The following DDX60L variants were observed in gnomAD, a reference collection of about 807,000 sequenced individuals.
The protein encoded by DDX60L is DExD/H-box 60 like.
DDX60L carries 191 observed loss-of-function variants against 211.6 expected under a neutral mutation model. The observed-to-expected ratio is 0.90, with a 90% confidence interval of 0.80 to 1.02. The LOEUF is 1.02. Ranked by LOEUF, DDX60L falls within the 50% of genes least tolerant of loss-of-function variation. The pLI is 0.00. For synonymous variants in DDX60L, 706 were observed against 694.1 expected, an observed-to-expected ratio of 1.02 and a Z score of -0.27; for missense variants, 2,007 against 1,984.1, an observed-to-expected ratio of 1.01 and a Z score of -0.22.
intron 1 of DDX60L, among the ~76,000 whole-genome samples, chr4:168,479,996 A>T (rs1171065476): frequency 1.5e-5 from 2 of 131,396 alleles, no homozygotes; most frequent in African/African-American, 5.1e-5. Context: ...AAAAAAAAAA[A>T]AAAAAAGCTT....
intron 10 of DDX60L, among the ~76,000 whole-genome samples, chr4:168,437,163 C>T (rs573317604): frequency 2.0e-5 from 3 of 152,306 alleles, no homozygotes; most frequent in South Asian, 2.1e-4. Context: ...GAGACATGTT[C>T]GAGTCCTAAT....
At chr4:168,366,994 TATATGTTA>T (rs1740112983) in intron 36 of DDX60L, among the ~76,000 whole-genome samples, 1 of 151,942 alleles carries the variant, frequency 6.6e-6, no homozygotes, top group Non-Finnish European at 1.5e-5. Flanking sequence ...GCTGATATGT[TATATGTTA>T]ATATGTTAAT....
chr4:168,442,344 G>A (rs1385444182), intron 9 of DDX60L, among the ~76,000 whole-genome samples: 3 of 152,212 alleles, frequency 2.0e-5, no homozygotes, highest in African/African-American at 4.8e-5. Context: ...ACCTGGCTCA[G>A]AGGGTCCTAC....
At chr4:168,449,152 G>T (rs116423133) in intron 8 of DDX60L, among the ~76,000 whole-genome samples, 117 of 152,050 alleles carry the variant, frequency 7.7e-4, no homozygotes, top group African/African-American at 2.7e-3. Flanking sequence ...TCTCACTTTG[G>T]GGTCAACACC....
intron 10 of DDX60L, among the ~76,000 whole-genome samples, chr4:168,435,090 T>TCCCAACC (rs897454203): frequency 1.1e-4 from 17 of 152,162 alleles, no homozygotes; most frequent in Admixed American, 6.5e-5. Flanking sequence ...GTCACTGTGC[T>TCCCAACC]CCCAACCCCC....
intron 13 of DDX60L, among the ~76,000 whole-genome samples, 157 bp downstream of exon 13, chr4:168,430,321 A>G (rs1489682259): frequency 2.0e-5 from 3 of 152,204 alleles, no homozygotes; most frequent in African/African-American, 7.2e-5. Context: ...AAATTACCCA[A>G]TCGCAGGTAT....
At position 168,405,959 on chromosome 4, in the gene DDX60L, T is replaced by G. The variant is rs371111021; in HGVS notation, c.3204A>C (p.Gln1068His). 1,561 of 1,569,940 alleles carry G rather than the reference T, an allele frequency of 9.9e-4. 26 individuals are homozygous for G. The South Asian group carries it at 0.018, about 18-fold the overall frequency. The change falls in exon 24 of 38, where the codon CAA (glutamine) becomes CAC (histidine). Residue 1068 changes from glutamine (Q) to histidine (H), a missense_variant. Transcript: ENST00000682922. ...AAAGTGTGAAAATTACCTTCTTCACTTGGCCATTTTTAATCCAATTTGTCA... is the reference window on the plus strand; with the variant it reads ...AAAGTGTGAAAATTACCTTCTTCACGTGGCCATTTTTAATCCAATTTGTCA... ...AELTNWIKNG[Q>H]VKKVKRVLKN...
At chr4:168,425,394 G>C (rs1380045814) in intron 14 of DDX60L, among the ~76,000 whole-genome samples, 2 of 152,218 alleles carry the variant, frequency 1.3e-5, no homozygotes, top group African/African-American at 4.8e-5. Context: ...AAAAGGATCT[G>C]AGTAGGACAT....
Position 168,420,463 on chromosome 4 carries a change from T to TACAC in DDX60L, c.2395-87_2395-84dup, listed in dbSNP as rs10598232. 617 of 459,430 alleles carry TACAC rather than the reference T, an allele frequency of 1.3e-3. 2 individuals carry two copies. The highest frequency in any genetic ancestry group is 0.011 in the African/African-American group (452 of 41,552). The allele number at this position is 459,430 out of a possible 1,614,324, so 28.5% of individuals were successfully genotyped here. A position where few individuals can be genotyped will look rare whatever the true frequency, so the allele number is the denominator to read the frequency against. On this transcript the variant is annotated intron_variant, in intron 17 of 37. Transcript: ENST00000682922. ...TTGAGGACAACCGAATCCATACACA[T>TACAC]ACACACACACACACACACACACACA...
chr4:168,382,597 C>T (rs546596437), intron 30 of DDX60L, among the ~76,000 whole-genome samples: 1 of 152,052 alleles, frequency 6.6e-6, no homozygotes, highest in African/African-American at 2.4e-5. Flanking sequence ...ACTTATAATT[C>T]TTCTAATAAT....
intron 22 of DDX60L, among the ~76,000 whole-genome samples, chr4:168,408,723 C>T (rs1041184748): frequency 6.6e-6 from 1 of 152,154 alleles, no homozygotes; most frequent in African/African-American, 2.4e-5. Context: ...CTGCCTGGTG[C>T]CGACAGCCTC....
At chr4:168,364,412 A>C (rs1560919306) in intron 36 of DDX60L, among the ~76,000 whole-genome samples, 1 of 152,222 alleles carries the variant, frequency 6.6e-6, no homozygotes, top group Non-Finnish European at 1.5e-5. Flanking sequence ...TTATTATTAG[A>C]TCTAAAAGGA....
At chr4:168,385,683 C>T (rs550640898) in intron 29 of DDX60L, among the ~76,000 whole-genome samples, 12 of 152,192 alleles carry the variant, frequency 7.9e-5, no homozygotes, top group Admixed American at 3.3e-4. Context: ...ACTGCTCACT[C>T]GGTGGTGAGC....
chr4:168,358,510 T>C (rs1738513908), intron 37 of DDX60L, among the ~76,000 whole-genome samples: 1 of 144,150 alleles, frequency 6.9e-6, no homozygotes, highest in African/African-American at 2.5e-5. Flanking sequence ...CTTCTTTTTT[T>C]CTTTTTTCTT....
Position 168,427,212 on chromosome 4 carries a change from C to G in DDX60L, c.1788G>C (p.Glu596Asp). 2 of 1,613,620 alleles carry G rather than the reference C, an allele frequency of 1.2e-6. No individual in the cohort carries two copies. Among genetic ancestry groups the G allele is most frequent in the Non-Finnish European group, 1.7e-6 (2 of 1,179,684 alleles). ...NDDLLFSIEE[E>D]MKNNLHSGIR... Reference sequence around the variant, plus strand: ...TTCCAGAATGTAAATTGTTCTTCATCTCCTCTTCAATAGAAAACAGCAGAT... The same window carrying G: ...TTCCAGAATGTAAATTGTTCTTCATGTCCTCTTCAATAGAAAACAGCAGAT... Residue 596 changes from glutamate to aspartate, a missense_variant, in exon 14 of 38, where the codon GAG (glutamate) becomes GAC (aspartate). Transcript: ENST00000682922.
At chr4:168,452,505 G>A (rs1448777901) in intron 8 of DDX60L, among the ~76,000 whole-genome samples, 1 of 152,128 alleles carries the variant, frequency 6.6e-6, no homozygotes, top group African/African-American at 2.4e-5. Context: ...GGCATTGCAT[G>A]CCTGTATCAA....
intron 29 of DDX60L, 125 bp from the exon 30 acceptor site, chr4:168,384,937 A>T (rs1244294238): frequency 3.0e-5 from 29 of 968,186 alleles, no homozygotes; most frequent in Non-Finnish European, 3.9e-5. Flanking sequence ...TCCTGAAACT[A>T]ATCTATGTTA....
At chr4:168,368,873 A>G (rs1221990155) in intron 36 of DDX60L, among the ~76,000 whole-genome samples, 1 of 152,100 alleles carries the variant, frequency 6.6e-6, no homozygotes, top group Admixed American at 6.5e-5. Flanking sequence ...GTTTTGGCCA[A>G]TTTCTCCCAT....
At chr4:168,472,034 G>T (rs1368724646) in intron 3 of DDX60L, 98 bp from the exon 4 acceptor site, 5 of 931,912 alleles carry the variant, frequency 5.4e-6, no homozygotes, top group Non-Finnish European at 1.6e-6. Context: ...TGTTTGTTGA[G>T]TACCTCATGC....
Sources: allele counts gnomAD v4.1 joint callset (sites outside exome capture counted in the v4.1 genomes callset), GRCh38; gene constraint gnomAD v4.1.1; transcripts MANE v1.5; gene names NCBI Gene and HGNC (gene_info 2026-07-23, HGNC 2026-07-21).